The following DMD variants were observed in gnomAD, a reference collection of about 807,000 sequenced individuals.
DMD encodes the protein mutant dystrophin.
DMD carries 63 observed loss-of-function variants against 330.1 expected under a neutral mutation model. The observed-to-expected ratio is 0.19, with a 90% CI of 0.16 to 0.24. The LOEUF is 0.24. Among genes scored for constraint, DMD ranks in the 10% least tolerant of loss-of-function variants. The probability of loss-of-function intolerance (pLI) is 1.00; values close to 1 mark genes in which losing one functional copy is unlikely to be tolerated. For missense variants in DMD, 3,344 were observed against 2,684.1 expected, an observed-to-expected ratio of 1.25 and a Z score of -5.43; for synonymous variants, 1,223 against 959.8, an observed-to-expected ratio of 1.27 and a Z score of -5.07.
intron 9 of DMD, among the ~76,000 whole-genome samples, chrX:32,660,996 G>A (rs1393838759): frequency 3.6e-5 from 4 of 111,245 alleles, no homozygotes; most frequent in Non-Finnish European, 5.7e-5. Flanking sequence ...AGAGAGGCCT[G>A]ACATTATGCA....
At chrX:31,845,525 T>C (rs1018150508) in intron 48 of DMD, among the ~76,000 whole-genome samples, 2 of 109,605 alleles carry the variant, frequency 1.8e-5, no homozygotes, top group Non-Finnish European at 3.8e-5. Flanking sequence ...TTTGACTCTT[T>C]TAAGATGATA....
chrX:32,339,833 C>T (rs1308070273), intron 41 of DMD, among the ~76,000 whole-genome samples: 1 of 111,395 alleles, frequency 9.0e-6, no homozygotes, highest in Non-Finnish European at 1.9e-5. Flanking sequence ...TCTAGAAAAA[C>T]AAAAAGGGAC....
chrX:31,370,098 C>CAAAAAAAAAAA lies in DMD; in HGVS notation c.9085-21475_9085-21465dup, dbSNP rs59989996. 2.4e-3 allele frequency among the ~76,000 whole-genome samples: 140 copies of CAAAAAAAAAAA among 59,305 alleles called. 5 individuals carry two copies. Among genetic ancestry groups the CAAAAAAAAAAA allele is most frequent in the African/African-American group, 0.011 (139 of 12,696 alleles). 51.5% of individuals were successfully genotyped at this position (59,305 alleles called of 115,157 possible). A position where few individuals can be genotyped will look rare whatever the true frequency, so the allele number is the denominator to read the frequency against. ...TGGGCGACAGAGCGAGGCTCCGTCT[C>CAAAAAAAAAAA]AAAAAAAAAAAAAAAAAAGAACAGG... On this transcript the variant is annotated intron_variant, in intron 60 of 78. Transcript: ENST00000357033.
intron 37 of DMD, among the ~76,000 whole-genome samples, chrX:32,352,900 T>C (rs185364695): frequency 8.3e-4 from 92 of 110,776 alleles, no homozygotes; most frequent in Non-Finnish European, 1.2e-3. Flanking sequence ...CTTTCAAAGA[T>C]ATATGCTTGT....
chrX:32,099,658 C>T (rs958627671), intron 44 of DMD, among the ~76,000 whole-genome samples: 3 of 101,021 alleles, frequency 3.0e-5, no homozygotes, highest in Non-Finnish European at 5.9e-5. Flanking sequence ...AACCAAACAG[C>T]GCATGTTCTC....
intron 60 of DMD, among the ~76,000 whole-genome samples, chrX:31,415,821 C>T (rs761090945): frequency 1.8e-4 from 20 of 110,670 alleles, no homozygotes; most frequent in Non-Finnish European, 1.9e-5. Flanking sequence ...TGGAGCCCAC[C>T]CCCAGAGATT....
rs996607523 is a variant in DMD, at chrX:31,169,348, A to T, written c.10553+95T>A. 10 of 640,043 alleles carry T rather than the reference A, an allele frequency of 1.6e-5. No individual in the cohort carries two copies. In the Admixed American group the frequency reaches 2.7e-4, roughly 17 times the overall value. The allele number at this position is 640,043 out of a possible 1,213,427, so 52.7% of individuals were successfully genotyped here. On this transcript the variant is annotated intron_variant, in intron 74 of 78. Transcript: ENST00000357033. ...AGATTATTTTAGAAAACAATTAGAC[A>T]TAAAATGACTCTAAGTGAAGATTCC...
At chrX:32,329,231 C>T (rs2097666936) in intron 41 of DMD, among the ~76,000 whole-genome samples, 1 of 111,977 alleles carries the variant, frequency 8.9e-6, no homozygotes, top group African/African-American at 3.2e-5. Flanking sequence ...AGAAGGGAAA[C>T]GTCTAGCTGA....
intron 1 of DMD, among the ~76,000 whole-genome samples, chrX:33,257,782 A>G (rs1317399809): frequency 9.0e-6 from 1 of 110,536 alleles, no homozygotes; most frequent in African/African-American, 3.3e-5. Context: ...TTAGTGGTCA[A>G]TTCACTATTA....
chrX:31,861,905 C>G (rs371405288), intron 48 of DMD, among the ~76,000 whole-genome samples: 1 of 99,299 alleles, frequency 1.0e-5, no homozygotes, highest in African/African-American at 3.8e-5. Context: ...AGTATTCTAA[C>G]AGCTGGCTTT....
chrX:32,170,540 C>T (rs895676194), intron 44 of DMD, among the ~76,000 whole-genome samples: 4 of 108,465 alleles, frequency 3.7e-5, no homozygotes, highest in Admixed American at 1.0e-4. Flanking sequence ...TTTACCTAAA[C>T]GTAGTAGTGG....
intron 9 of DMD, among the ~76,000 whole-genome samples, chrX:32,680,806 A>G (rs1165416888): frequency 9.2e-6 from 1 of 108,239 alleles, no homozygotes; most frequent in East Asian, 2.8e-4. Context: ...ACACACACAG[A>G]AACACATACA....
Position 31,827,940 on chromosome X carries a change from G to A in DMD, c.7201-7857C>T, listed in dbSNP as rs188475239. Among the ~76,000 whole-genome samples, 21 of 111,909 alleles carry A rather than the reference G, an allele frequency of 1.9e-4. No individual in the cohort carries two copies. The East Asian group carries it at 3.9e-3, about 21-fold the overall frequency. On this transcript the variant is annotated intron_variant, in intron 49 of 78. Transcript: ENST00000357033. ...CAGTGCTAAGAGGAAAGTTCATAGT[G>A]TTAAATACTACATCAAAAATTCTGA...
intron 9 of DMD, among the ~76,000 whole-genome samples, chrX:32,653,110 C>A (rs750232219): frequency 9.0e-5 from 10 of 111,610 alleles, no homozygotes; most frequent in Admixed American, 2.9e-4. Flanking sequence ...CTGTAGGTTG[C>A]CTGTTCACTA....
intron 21 of DMD, among the ~76,000 whole-genome samples, chrX:32,483,946 A>C (rs1434346982): frequency 9.1e-6 from 1 of 109,987 alleles, no homozygotes; most frequent in African/African-American, 3.3e-5. Context: ...TCTGGAAATG[A>C]TATTATATGG....
intron 7 of DMD, among the ~76,000 whole-genome samples, chrX:32,706,744 T>A (rs1329555658): frequency 9.0e-6 from 1 of 111,552 alleles, no homozygotes; most frequent in Non-Finnish European, 1.9e-5. Flanking sequence ...CAAATGGAAC[T>A]TATCATGCAG....
rs2084386455 is a variant in DMD at position 31,708,744 on chromosome X, C to G, written c.7660+20887G>C. Among the ~76,000 whole-genome samples the G allele has an allele frequency of 2.7e-5, 3 of 111,770 alleles. No homozygotes were observed. The South Asian group carries it at 1.1e-3, about 42-fold the overall frequency. On this transcript the variant is annotated intron_variant, in intron 52 of 78. Coordinates refer to ENST00000357033, the MANE Select transcript of DMD (RefSeq NM_004006.3). ...ATAAAATGCATTTTAGATTATTAAT[C>G]ACTTTCCAGTGATAAATAACCAAAT... is the stretch of plus-strand genomic sequence containing the variant.
chrX:32,252,019 C>T (rs1444618831), intron 43 of DMD, among the ~76,000 whole-genome samples: 2 of 111,297 alleles, frequency 1.8e-5, no homozygotes, highest in Non-Finnish European at 3.8e-5. Flanking sequence ...ATAAGTAAAA[C>T]AAAATTTAAG....
chrX:31,725,818 T>C (rs1295463146), intron 52 of DMD, among the ~76,000 whole-genome samples: 1 of 112,446 alleles, frequency 8.9e-6, no homozygotes, highest in African/African-American at 3.2e-5. Context: ...ACCAATATTG[T>C]TTGTGAAATA....
Sources: gnomAD v4.1 joint callset for allele counts (sites outside exome capture counted in the v4.1 genomes callset) on GRCh38, gnomAD v4.1.1 for gene constraint, MANE v1.5 for transcripts, NCBI Gene and HGNC (gene_info 2026-07-23, HGNC 2026-07-21) for gene names.